Variants in TENT4B observed in about 807,000 individuals in gnomAD.
The protein encoded by TENT4B is PAP associated domain containing 5.
TENT4B carries 10 observed loss-of-function variants against 75.0 expected under a neutral mutation model. The ratio of observed to expected loss-of-function variants is 0.13; its 90% CI spans 0.08 to 0.23. The LOEUF (loss-of-function observed/expected upper bound fraction) is 0.23. Ranked by LOEUF, TENT4B falls within the 10% of genes least tolerant of loss-of-function variation. The probability of loss-of-function intolerance (pLI) is 1.00; values close to 1 mark genes in which losing one functional copy is unlikely to be tolerated. For synonymous variants in TENT4B, 350 were observed against 357.7 expected (o/e 0.98, Z 0.24); for missense variants, 579 against 893.8 (o/e 0.65, Z 4.49).
chr16:50,233,673 C>G lies in TENT4B; in HGVS notation c.*4345C>G. ...ACTGCTAATGTTTATTTTACTGTCT[C>G]TCAGGTTTTTGGTTTTTTTAAAAAA... On this transcript the variant is annotated 3_prime_UTR_variant, in exon 12 of 12. Transcript: ENST00000561678. The G allele has an allele frequency of 1.0e-6, 1 of 965,880 alleles. No homozygotes were observed. The highest frequency in any genetic ancestry group is 1.8e-5 in the African/African-American group (1 of 55,394). The allele number at this position is 965,880 out of a possible 1,614,324, so 59.8% of individuals were successfully genotyped here. A position where few individuals can be genotyped will look rare whatever the true frequency, so the allele number is the denominator to read the frequency against.
intron 1 of TENT4B, among the ~76,000 whole-genome samples, chr16:50,174,904 G>A (rs911772079): frequency 4.0e-5 from 6 of 151,648 alleles, no homozygotes; most frequent in African/African-American, 1.5e-4. Context: ...TACCACACCC[G>A]ACTAATTTTT....
At chr16:50,189,812 C>T (rs375156040) in intron 1 of TENT4B, among the ~76,000 whole-genome samples, 23 of 151,734 alleles carry the variant, frequency 1.5e-4, no homozygotes, top group African/African-American at 3.9e-4. Context: ...TTTGGGAGGC[C>T]GAGGCAGGCA....
chr16:50,231,983 C>T lies in TENT4B; in HGVS notation c.*2655C>T. On this transcript the variant is annotated 3_prime_UTR_variant, in exon 12 of 12. Coordinates refer to ENST00000561678, the MANE Select transcript of TENT4B (RefSeq NM_001365324.3). ...TTCATATCCATGAATCATAACCTTC[C>T]TTTGCTAATACTTGTTGAATGGGAT... 1 of 984,494 alleles carries T rather than the reference C, an allele frequency of 1.0e-6. No individual in the cohort carries two copies. The highest frequency in any genetic ancestry group is 1.2e-6 in the Non-Finnish European group (1 of 829,144). The allele number at this position is 984,494 out of a possible 1,614,324, so 61.0% of individuals were successfully genotyped here.
chr16:50,218,924 A>G (rs1486533528), intron 5 of TENT4B, among the ~76,000 whole-genome samples: 1 of 147,992 alleles, frequency 6.8e-6, no homozygotes, highest in Non-Finnish European at 1.5e-5. Context: ...AATATTCACA[A>G]TTTTTTTTTT....
chr16:50,225,010 T>C lies in TENT4B; in HGVS notation c.1612+16T>C, dbSNP rs1312697615. The C allele has an allele frequency of 6.2e-7, 1 of 1,611,720 alleles. No individual in the cohort carries two copies. Among genetic ancestry groups the C allele is most frequent in the Non-Finnish European group, 8.5e-7 (1 of 1,178,074 alleles). ...TCATGCAATGGTAAGATATTTTCCT[T>C]GGTCGATTGACTGAGTATTAGAGGC... is the stretch of plus-strand genomic sequence containing the variant. On this transcript the variant is annotated intron_variant, in intron 9 of 11. Transcript: ENST00000561678.
chr16:50,152,931 T>G (rs1392115892), upstream of TENT4B: 2 of 1,493,658 alleles, frequency 1.3e-6, no homozygotes. Context: ...ACGCGCTCCC[T>G]GCGGGGCGGG....
At chr16:50,224,157 G>C (rs2031944775) in intron 7 of TENT4B, among the ~76,000 whole-genome samples, 1 of 152,148 alleles carries the variant, frequency 6.6e-6, no homozygotes, top group Non-Finnish European at 1.5e-5. Flanking sequence ...AACATTAATA[G>C]TTCTATGTGT....
chr16:50,202,721 A>T (rs985880669), intron 1 of TENT4B, among the ~76,000 whole-genome samples: 1 of 152,218 alleles, frequency 6.6e-6, no homozygotes, highest in Non-Finnish European at 1.5e-5. Context: ...CCCAAATTAG[A>T]TAAAGCAACT....
upstream of TENT4B, among the ~76,000 whole-genome samples, chr16:50,153,273 T>TCGCTGCCGCCGCTGC (rs1555506524): frequency 1.5e-5 from 2 of 136,186 alleles, no homozygotes; most frequent in African/African-American, 2.7e-5. Flanking sequence ...CAGGCGCGTC[T>TCGCTGCCGCCGCTGC]CGCTGCCGCC....
chr16:50,198,280 G>A lies in TENT4B; in HGVS notation c.639-13043G>A, dbSNP rs760211517. On this transcript the variant is annotated intron_variant, in intron 1 of 11. Coordinates refer to ENST00000561678, the MANE Select transcript of TENT4B (RefSeq NM_001365324.3). ...AAAAATACAAAAAAATTAGCCACGTGTGGTGGTGAGCTCCTATAGTCCCAG... is the reference window on the plus strand; with the variant it reads ...AAAAATACAAAAAAATTAGCCACGTATGGTGGTGAGCTCCTATAGTCCCAG... Among the ~76,000 whole-genome samples, 56 of 151,864 alleles carry A rather than the reference G, an allele frequency of 3.7e-4. 1 individual carries two copies. Among genetic ancestry groups the A allele is most frequent in the Non-Finnish European group, 7.4e-4 (50 of 67,976 alleles).
Position 50,154,273 on chromosome 16 carries a change from C to G in TENT4B, c.638+14C>G. 1 of 1,401,072 alleles carries G rather than the reference C, an allele frequency of 7.1e-7. No homozygotes were observed. The highest frequency in any genetic ancestry group is 9.2e-7 in the Non-Finnish European group (1 of 1,084,364). The allele number at this position is 1,401,072 out of a possible 1,614,324, so 86.8% of individuals were successfully genotyped here. A position where few individuals can be genotyped will look rare whatever the true frequency, so the allele number is the denominator to read the frequency against. On this transcript the variant is annotated intron_variant, in intron 1 of 11. Coordinates refer to ENST00000561678, the MANE Select transcript of TENT4B (RefSeq NM_001365324.3). ...GGGAGTCGTGGGGTGAGTGCTGGCT[C>G]TGCGGCCCGATGGCCTGGCCGGTGC...
intron 1 of TENT4B, 59 bp downstream of exon 1, chr16:50,154,318 C>G: frequency 3.6e-6 from 5 of 1,380,824 alleles, no homozygotes; most frequent in Non-Finnish European, 4.7e-6. Context: ...GCCGGGCACA[C>G]GCCCACAGAG....
intron 5 of TENT4B, among the ~76,000 whole-genome samples, chr16:50,221,051 C>G (rs2031804937): frequency 6.6e-6 from 1 of 152,026 alleles, no homozygotes; most frequent in African/African-American, 2.4e-5. Flanking sequence ...CTTTGGGAGG[C>G]CCAGACAGGC....
At chr16:50,159,767 T>C (rs2037968772) in intron 1 of TENT4B, among the ~76,000 whole-genome samples, 1 of 152,232 alleles carries the variant, frequency 6.6e-6, no homozygotes, top group Non-Finnish European at 1.5e-5. Context: ...GGTACTGACA[T>C]GCGCTTTTAA....
chr16:50,212,117 A>G (rs2031312192), intron 2 of TENT4B, among the ~76,000 whole-genome samples: 2 of 152,082 alleles, frequency 1.3e-5, no homozygotes, highest in African/African-American at 2.4e-5. Flanking sequence ...CTGGAGTGCA[A>G]TAGTGCGATC....
Position 50,233,532 on chromosome 16 carries a change from A to C in TENT4B, c.*4204A>C, listed in dbSNP as rs562554201. ...TTTTTTGGTCAAAGATAATGAGCTA[A>C]ATATATATAGACGTTGAATGTTGAC... On this transcript the variant is annotated 3_prime_UTR_variant, in exon 12 of 12. Coordinates refer to ENST00000561678, the MANE Select transcript of TENT4B (RefSeq NM_001365324.3). 10 of 985,236 alleles carry C rather than the reference A, an allele frequency of 1.0e-5. No homozygotes were observed. In the African/African-American group the frequency reaches 1.0e-4, roughly 10 times the overall value. The allele number at this position is 985,236 out of a possible 1,614,324, so 61.0% of individuals were successfully genotyped here.
At chr16:50,214,098 T>G in intron 2 of TENT4B, 123 bp from the exon 3 acceptor site, 3 of 702,882 alleles carry the variant, frequency 4.3e-6, no homozygotes, top group South Asian at 3.4e-5. Context: ...AAAAATGCTC[T>G]TGTCATACCA....
At chr16:50,162,424 A>G (rs184788621) in intron 1 of TENT4B, among the ~76,000 whole-genome samples, 18 of 152,318 alleles carry the variant, frequency 1.2e-4, no homozygotes, top group African/African-American at 4.3e-4. Context: ...TTATATTCCT[A>G]TCAACAATAT....
At chr16:50,158,979 G>A (rs1458144588) in intron 1 of TENT4B, among the ~76,000 whole-genome samples, 1 of 152,186 alleles carries the variant, frequency 6.6e-6, no homozygotes, top group Non-Finnish European at 1.5e-5. Flanking sequence ...GGGCCAGAAG[G>A]ACTATTGGTT....
Sources: allele counts gnomAD v4.1 joint callset (sites outside exome capture counted in the v4.1 genomes callset), GRCh38; gene constraint gnomAD v4.1.1; transcripts MANE v1.5; gene names NCBI Gene and HGNC (gene_info 2026-07-23, HGNC 2026-07-21).